XPNPEP3: variants seen among roughly 807,000 people sequenced by gnomAD.
XPNPEP3 encodes X-prolyl aminopeptidase 3.
Under a neutral mutation model 60.0 loss-of-function variants are expected in XPNPEP3, and 41 were observed. The observed-to-expected ratio is 0.68, with a 90% CI of 0.53 to 0.89. XPNPEP3 has a LOEUF of 0.89. XPNPEP3 is among the 40% of genes least tolerant of loss of function. The probability of loss-of-function intolerance (pLI) is 0.00; values close to 1 mark genes in which losing one functional copy is unlikely to be tolerated. For missense variants in XPNPEP3, 598 were observed against 638.9 expected, an observed-to-expected ratio of 0.94 and a Z score of 0.69; for synonymous variants, 212 against 223.2, an observed-to-expected ratio of 0.95 and a Z score of 0.45.
chr22:40,884,293 T>C (rs1250590928), intron 3 of XPNPEP3, among the ~76,000 whole-genome samples: 2 of 152,082 alleles, frequency 1.3e-5, no homozygotes, highest in South Asian at 2.1e-4. Flanking sequence ...TACAATCTCA[T>C]GTAAAATAAA....
At chr22:40,906,746 G>A (rs964587964) in intron 4 of XPNPEP3, among the ~76,000 whole-genome samples, 7 of 152,210 alleles carry the variant, frequency 4.6e-5, no homozygotes, top group Non-Finnish European at 1.0e-4. Context: ...GTATATCTTA[G>A]TATGTTTGTC....
chr22:40,929,559 T>A lies in XPNPEP3; in HGVS notation c.*3124T>A, dbSNP rs1311185638. 1 of 152,184 alleles carries A rather than the reference T, an allele frequency of 6.6e-6. No individual in the cohort carries two copies. The highest frequency in any genetic ancestry group is 1.5e-5 in the Non-Finnish European group (1 of 68,034). The allele number at this position is 152,184 out of a possible 1,614,324, so 9.4% of individuals were successfully genotyped here. A position where few individuals can be genotyped will look rare whatever the true frequency, so the allele number is the denominator to read the frequency against. ...TAGCTTGTATGTATAGCAGCATACT[T>A]GGACATGAAACACACTTCTGGTTAG... On this transcript the variant is annotated 3_prime_UTR_variant, in exon 10 of 10. Transcript: ENST00000357137.
chr22:40,886,561 C>G lies in XPNPEP3; in HGVS notation c.792+46C>G, dbSNP rs772744744. ...TTTTTTCCAGCCGGGCGCGGTGGCT[C>G]ACGCCTGTAATCCAAGCACTTTGGG... On this transcript the variant is annotated intron_variant, in intron 4 of 9. Transcript: ENST00000357137. 3.1e-6 allele frequency: 5 copies of G among 1,588,124 alleles called. No individual in the cohort carries two copies. The South Asian group carries it at 5.5e-5, about 18-fold the overall frequency.
At chr22:40,891,053 C>T (rs1042212086) in intron 4 of XPNPEP3, among the ~76,000 whole-genome samples, 7 of 150,960 alleles carry the variant, frequency 4.6e-5, no homozygotes, top group Admixed American at 3.3e-4. Flanking sequence ...CAAAAAGTTA[C>T]ATGATTTGGC....
chr22:40,920,227 G>A (rs561996945), intron 7 of XPNPEP3, among the ~76,000 whole-genome samples: 1 of 152,226 alleles, frequency 6.6e-6, no homozygotes, highest in African/African-American at 2.4e-5. Context: ...AATTAGCTGG[G>A]CGTGGTGGTG....
In XPNPEP3 at chr22:40,865,365, G is replaced by A. The variant is rs564731974; in HGVS notation, c.65-3634G>A. 1.4e-3 allele frequency among the ~76,000 whole-genome samples: 184 copies of A among 130,564 alleles called. 1 individual carries two copies. The Middle Eastern group carries it at 0.016, about 11-fold the overall frequency. 85.7% of individuals were successfully genotyped at this position (130,564 alleles called of 152,430 possible). On this transcript the variant is annotated intron_variant, in intron 1 of 9. Transcript: ENST00000357137. ...TTTTTTGAGATGGAGTTTCACTCTC[G>A]TTGCCCAGGCTAGAGTACAGTGGTG...
At chr22:40,885,410 A>G (rs1299507980) in intron 3 of XPNPEP3, among the ~76,000 whole-genome samples, 3 of 152,220 alleles carry the variant, frequency 2.0e-5, no homozygotes, top group Admixed American at 6.5e-5. Flanking sequence ...TTAGGTCTCT[A>G]AAGTTGAAAG....
intron 1 of XPNPEP3, among the ~76,000 whole-genome samples, chr22:40,868,114 CAT>C (rs537104718): frequency 3.3e-4 from 50 of 152,248 alleles, no homozygotes; most frequent in South Asian, 3.1e-3. Flanking sequence ...ATGTTCCAAT[CAT>C]GTGCAAAGAA....
intron 2 of XPNPEP3, among the ~76,000 whole-genome samples, chr22:40,879,504 G>A (rs533257386): frequency 2.0e-5 from 3 of 152,108 alleles, no homozygotes; most frequent in African/African-American, 4.8e-5. Context: ...CCGGGAGTTC[G>A]AGACCAGCCT....
rs758130326 is a variant in XPNPEP3 at position 40,857,242 on chromosome 22, T to G, written c.61T>G (p.Ser21Ala). The G allele has an allele frequency of 6.2e-6, 10 of 1,614,040 alleles. No individual in the cohort carries two copies. The African/African-American group carries it at 1.3e-4, about 22-fold the overall frequency. ...VPAVANVRGL[S>A]GCMLCSQRRY... Reference sequence around the variant, plus strand: ...CGCTGTAGCAAACGTCCGCGGCCTCTCAGGTTAGACTCTTCTCCCACGGTC... The same window carrying G: ...CGCTGTAGCAAACGTCCGCGGCCTCGCAGGTTAGACTCTTCTCCCACGGTC... The change falls in exon 1 of 10, where the codon TCA becomes GCA. Residue 21 changes from serine (S) to alanine (A), a missense_variant. Physicochemically the swap from Ser to Ala is moderately conservative, Grantham distance 99 (BLOSUM62 1). Coordinates refer to ENST00000357137, the MANE Select transcript of XPNPEP3 (RefSeq NM_022098.4).
At chr22:40,857,752 G>T (rs1198416037) in intron 1 of XPNPEP3, among the ~76,000 whole-genome samples, 3 of 152,226 alleles carry the variant, frequency 2.0e-5, no homozygotes, top group African/African-American at 7.2e-5. Flanking sequence ...ATAATTTTTT[G>T]TAGGGTGTCC....
rs1236869059 is a variant in XPNPEP3, at chr22:40,869,024, G to A, written c.90G>A (p.Arg30=). 6.2e-7 allele frequency: 1 copy of A among 1,613,928 alleles called. No individual in the cohort carries two copies. The highest frequency in any genetic ancestry group is 1.1e-5 in the South Asian group (1 of 91,068). The change falls in exon 2 of 10, where the codon AGG becomes AGA. Residue 30 remains arginine, a synonymous_variant. Coordinates refer to ENST00000357137, the MANE Select transcript of XPNPEP3 (RefSeq NM_022098.4). ...GATGTATGTTGTGTTCACAGCGAAG[G>A]TACTCCCTTCAGCCTGTCCCAGAAA... is the stretch of plus-strand genomic sequence containing the variant. The part of the protein sequence containing the change: ...LSGCMLCSQR[R]YSLQPVPERR...
At chr22:40,878,111 CAGG>C (rs1268653740) in intron 2 of XPNPEP3, among the ~76,000 whole-genome samples, 1 of 151,036 alleles carries the variant, frequency 6.6e-6, no homozygotes, top group Non-Finnish European at 1.5e-5. Context: ...GAACCTGGGG[CAGG>C]AGAATTGCTT....
At chr22:40,861,831 ACCT>A (rs1200187894) in intron 1 of XPNPEP3, 14 of 1,604,926 alleles carry the variant, frequency 8.7e-6, no homozygotes, top group African/African-American at 1.3e-5. Context: ...ATTTGATAAT[ACCT>A]CGTATGCCTC....
intron 4 of XPNPEP3, among the ~76,000 whole-genome samples, chr22:40,894,580 A>G (rs990557124): frequency 6.6e-6 from 1 of 152,118 alleles, no homozygotes. Context: ...ATGACACTAT[A>G]CTGTTGGCAG....
At chr22:40,858,043 G>T (rs955574991) in intron 1 of XPNPEP3, among the ~76,000 whole-genome samples, 2 of 152,166 alleles carry the variant, frequency 1.3e-5, no homozygotes, top group South Asian at 2.1e-4. Flanking sequence ...TTGTTCTTCA[G>T]TTCTCATAGT....
intron 2 of XPNPEP3, among the ~76,000 whole-genome samples, chr22:40,869,646 G>T (rs1348436458): frequency 2.0e-5 from 3 of 152,120 alleles, no homozygotes; most frequent in African/African-American, 7.2e-5. Context: ...GTTGATAAAG[G>T]TGATGCAAAA....
At chr22:40,866,319 G>A (rs1324166861) in intron 1 of XPNPEP3, among the ~76,000 whole-genome samples, 2 of 151,914 alleles carry the variant, frequency 1.3e-5, no homozygotes, top group African/African-American at 4.8e-5. Flanking sequence ...GTGAAGTGTA[G>A]TAGGTATTAA....
chr22:40,875,843 C>T lies in XPNPEP3; in HGVS notation c.182-5927C>T, dbSNP rs575016507. Among the ~76,000 whole-genome samples, 25 of 147,118 alleles carry T rather than the reference C, an allele frequency of 1.7e-4. No homozygotes were observed. The South Asian group carries it at 5.2e-3, about 30-fold the overall frequency. ...AGCCTGGCCAACGTAGCAAACTCCACCTCTACTAAAAAAAAAAAAAAAAAA... is the reference window on the plus strand; with the variant it reads ...AGCCTGGCCAACGTAGCAAACTCCATCTCTACTAAAAAAAAAAAAAAAAAA... On this transcript the variant is annotated intron_variant, in intron 2 of 9. Transcript: ENST00000357137.
Sources: allele counts gnomAD v4.1 joint callset (sites outside exome capture counted in the v4.1 genomes callset), GRCh38; gene constraint gnomAD v4.1.1; transcripts MANE v1.5; gene names NCBI Gene and HGNC (gene_info 2026-07-23, HGNC 2026-07-21).